The following NCKAP5 variants were observed in gnomAD, a reference collection of about 807,000 sequenced individuals.
The protein encoded by NCKAP5 is NCK associated protein 5.
Under a neutral mutation model 167.0 loss-of-function variants are expected in NCKAP5, and 92 were observed. The observed-to-expected ratio is 0.55, with a 90% CI of 0.47 to 0.66. The LOEUF is 0.66. Among genes scored for constraint, NCKAP5 ranks in the 30% least tolerant of loss-of-function variants. NCKAP5 has a pLI of 0.00. For missense variants in NCKAP5, 2,378 were observed against 2,315.0 expected (o/e 1.03, Z -0.56); for synonymous variants, 891 against 877.4 (o/e 1.02, Z -0.27).
At chr2:132,817,276 G>A (rs548301263) in intron 11 of NCKAP5, among the ~76,000 whole-genome samples, 2 of 152,238 alleles carry the variant, frequency 1.3e-5, no homozygotes, top group Admixed American at 1.3e-4. Context: ...CATTTATGTT[G>A]ATCGATGTTG....
intron 16 of NCKAP5, among the ~76,000 whole-genome samples, chr2:132,743,085 C>G (rs1355661489): frequency 6.6e-6 from 1 of 151,934 alleles, no homozygotes; most frequent in Admixed American, 6.6e-5. Flanking sequence ...CACACACACA[C>G]ACACACAATT....
chr2:133,113,416 C>T (rs1008202357), intron 6 of NCKAP5, among the ~76,000 whole-genome samples: 8 of 152,166 alleles, frequency 5.3e-5, no homozygotes, highest in African/African-American at 1.4e-4. Flanking sequence ...CATGTGAACA[C>T]GATTAGGGAA....
At chr2:133,054,818 T>C (rs974895958) in intron 6 of NCKAP5, among the ~76,000 whole-genome samples, 2 of 152,194 alleles carry the variant, frequency 1.3e-5, no homozygotes, top group African/African-American at 2.4e-5. Flanking sequence ...CCGTGGTTCA[T>C]TGTTCAGGAA....
At position 132,779,600 on chromosome 2, in the gene NCKAP5, GAA is replaced by G; in HGVS notation, c.5049+1450_5049+1451del. ...AAGAGCAGAAATGGGATGAGGGAAA[GAA>G]AAAAAAAAAAAAAACTTTTGCAACG... On this transcript the variant is annotated intron_variant, in intron 15 of 19. Coordinates refer to ENST00000409261, the MANE Select transcript of NCKAP5 (RefSeq NM_207363.3). Among the ~76,000 whole-genome samples, 4 of 91,380 alleles carry G rather than the reference GAA, an allele frequency of 4.4e-5. No homozygotes were observed. The Middle Eastern group carries it at 0.029, about 672-fold the overall frequency. 59.9% of individuals were successfully genotyped at this position (91,380 alleles called of 152,430 possible).
At chr2:133,122,984 A>G (rs1287777526) in intron 6 of NCKAP5, 1 of 152,198 alleles carries the variant, frequency 6.6e-6, no homozygotes, top group East Asian at 1.9e-4. Context: ...TTACTTAACC[A>G]GAGTTATTAA....
At chr2:132,904,364 T>C (rs2148923887) in intron 8 of NCKAP5, among the ~76,000 whole-genome samples, 1 of 150,804 alleles carries the variant, frequency 6.6e-6, no homozygotes, top group Admixed American at 6.6e-5. Context: ...AAAAATTAAA[T>C]AAAAATTAAA....
chr2:132,955,413 G>A (rs2076309233), intron 8 of NCKAP5, among the ~76,000 whole-genome samples: 1 of 152,194 alleles, frequency 6.6e-6, no homozygotes, highest in Non-Finnish European at 1.5e-5. Context: ...TACTTAAGAG[G>A]AGGCAGGGGC....
chr2:133,347,396 G>A (rs972709183), intron 3 of NCKAP5, among the ~76,000 whole-genome samples: 1 of 151,702 alleles, frequency 6.6e-6, no homozygotes, highest in Non-Finnish European at 1.5e-5. Flanking sequence ...TCTACTAAAA[G>A]TACAAAATTA....
intron 3 of NCKAP5, among the ~76,000 whole-genome samples, chr2:133,465,556 C>T (rs1051501733): frequency 1.2e-4 from 18 of 152,180 alleles, no homozygotes; most frequent in Admixed American, 8.5e-4. Context: ...ATGGTATTTC[C>T]AGTTCTAGAT....
chr2:133,328,931 CA>C (rs1324546815), intron 3 of NCKAP5, among the ~76,000 whole-genome samples: 3 of 151,768 alleles, frequency 2.0e-5, no homozygotes, highest in African/African-American at 7.3e-5. Context: ...AATCTTAGAA[CA>C]AAAAATACTC....
At chr2:132,957,582 G>T (rs1392197740) in intron 8 of NCKAP5, among the ~76,000 whole-genome samples, 2 of 141,174 alleles carry the variant, frequency 1.4e-5, no homozygotes, top group African/African-American at 2.8e-5. Flanking sequence ...CTCTGATCTT[G>T]TCCTCCTGTC....
intron 19 of NCKAP5, among the ~76,000 whole-genome samples, chr2:132,689,930 G>A (rs1686501235): frequency 6.6e-6 from 1 of 152,050 alleles, no homozygotes; most frequent in South Asian, 2.1e-4. Context: ...CTTAGTATCT[G>A]CAGCTAATAT....
chr2:132,705,820 T>A (rs1688306838), intron 19 of NCKAP5, among the ~76,000 whole-genome samples: 1 of 152,190 alleles, frequency 6.6e-6, no homozygotes, highest in African/African-American at 2.4e-5. Context: ...CCTAAGGACG[T>A]CAAGGCCCAG....
intron 3 of NCKAP5, among the ~76,000 whole-genome samples, chr2:133,468,171 T>C (rs1352384757): frequency 1.4e-5 from 2 of 138,322 alleles, no homozygotes; most frequent in South Asian, 2.3e-4. Context: ...TCCCTCTACA[T>C]ACTGCTTTGA....
chr2:133,568,511 T>C (rs1688727612), upstream of NCKAP5: 1 of 151,276 alleles, frequency 6.6e-6, no homozygotes, highest in Non-Finnish European at 1.5e-5. Context: ...ATGACATCAC[T>C]GGCAGCTGCT....
chr2:133,349,819 C>T (rs1684234289), intron 3 of NCKAP5, among the ~76,000 whole-genome samples: 1 of 152,168 alleles, frequency 6.6e-6, no homozygotes, highest in Non-Finnish European at 1.5e-5. Context: ...CAACTCTAGC[C>T]TGGTCTATAG....
intron 19 of NCKAP5, among the ~76,000 whole-genome samples, chr2:132,699,719 C>T (rs1687700271): frequency 6.6e-6 from 1 of 152,194 alleles, no homozygotes; most frequent in East Asian, 1.9e-4. Context: ...TTTCTTAATC[C>T]AGTCTATCAT....
the NCKAP5 span, among the ~76,000 whole-genome samples, chr2:133,660,762 A>G: frequency 1.3e-5 from 2 of 152,080 alleles, no homozygotes; most frequent in Non-Finnish European, 2.9e-5. Context: ...AGGATGGAAT[A>G]TGCCTCTGTC....
At chr2:133,650,450 G>A in the NCKAP5 span, among the ~76,000 whole-genome samples, 5 of 152,178 alleles carry the variant, frequency 3.3e-5, no homozygotes, top group African/African-American at 7.2e-5. Flanking sequence ...TACACTTCCA[G>A]ATTTTAAAAT....
Sources: allele counts gnomAD v4.1 joint callset (sites outside exome capture counted in the v4.1 genomes callset), GRCh38; gene constraint gnomAD v4.1.1; transcripts MANE v1.5; gene names NCBI Gene and HGNC (gene_info 2026-07-23, HGNC 2026-07-21).